Variants in STX6 observed in about 807,000 individuals in gnomAD.
STX6 encodes syntaxin-6.
A neutral mutation model predicts 38.0 loss-of-function variants in STX6; 23 were observed. The observed-to-expected ratio is 0.60, with a 90% CI of 0.43 to 0.86. The LOEUF is 0.86. Ranked by LOEUF, STX6 falls within the 40% of genes least tolerant of loss-of-function variation. The pLI is 0.00. For missense variants in STX6, 274 were observed against 312.9 expected (o/e 0.88, Z 0.94); for synonymous variants, 123 against 107.5 (o/e 1.14, Z -0.89).
Position 181,022,784 on chromosome 1 carries a change from G to A in STX6, c.-111C>T. ...CCGCAGCTGCCCGCGCCTTAGTCTG[G>A]GTGAAGCCGAGCAGCGGGCACGCGC... On this transcript the variant is annotated 5_prime_UTR_variant, in exon 1 of 8. Coordinates refer to ENST00000258301, the MANE Select transcript of STX6 (RefSeq NM_005819.6). The A allele has an allele frequency of 8.7e-7, 1 of 1,151,726 alleles. No homozygotes were observed. Among genetic ancestry groups the A allele is most frequent in the Non-Finnish European group, 1.2e-6 (1 of 800,842 alleles). The allele number at this position is 1,151,726 out of a possible 1,614,324, so 71.3% of individuals were successfully genotyped here. A position where few individuals can be genotyped will look rare whatever the true frequency, so the allele number is the denominator to read the frequency against.
intron 3 of STX6, among the ~76,000 whole-genome samples, chr1:181,000,938 T>G (rs2102318249): frequency 6.7e-6 from 1 of 150,256 alleles, no homozygotes; most frequent in South Asian, 2.1e-4. Flanking sequence ...ACAAAAAATA[T>G]GTCACCTAAC....
intron 1 of STX6, among the ~76,000 whole-genome samples, chr1:181,008,188 A>T (rs947243154): frequency 3.9e-5 from 6 of 152,352 alleles, no homozygotes; most frequent in African/African-American, 1.4e-4. Flanking sequence ...ATTTTACAGT[A>T]ATAATTTTCT....
intron 2 of STX6, 68 bp from the exon 3 acceptor site, chr1:181,002,768 A>T (rs1656120550): frequency 1.9e-6 from 2 of 1,026,252 alleles, no homozygotes; most frequent in Admixed American, 1.9e-5. Flanking sequence ...TAACTCACTG[A>T]ATCTCTCACA....
Position 181,006,829 on chromosome 1 carries a change from C to T in STX6, c.36-1366G>A, listed in dbSNP as rs1420466144. Reference sequence around the variant, plus strand: ...TACTGATGAGAGCTAAGAGGCGGAACGTTAAACAGAGAATACAGCTTCTAG... The same window carrying T: ...TACTGATGAGAGCTAAGAGGCGGAATGTTAAACAGAGAATACAGCTTCTAG... On this transcript the variant is annotated intron_variant, in intron 1 of 7. Transcript: ENST00000258301. Among the ~76,000 whole-genome samples the T allele has an allele frequency of 5.9e-5, 9 of 152,154 alleles. No individual in the cohort carries two copies. In the South Asian group the frequency reaches 1.0e-3, roughly 17 times the overall value.
At chr1:180,999,418 T>C (rs1431843578) in intron 3 of STX6, among the ~76,000 whole-genome samples, 1 of 152,232 alleles carries the variant, frequency 6.6e-6, no homozygotes, top group East Asian at 1.9e-4. Context: ...ATCTTTGATG[T>C]ATAGGTGACT....
Position 180,990,009 on chromosome 1 carries a change from A to G in STX6, c.464T>C (p.Ile155Thr), listed in dbSNP as rs767706483. 1.2e-5 allele frequency: 20 copies of G among 1,613,566 alleles called. No individual in the cohort carries two copies. The highest frequency in any genetic ancestry group is 1.7e-5 in the Admixed American group (1 of 59,980). The stretch of plus-strand genomic sequence containing the variant: ...CTGCTGCTGTGCCTGCTGCTCCTCA[A>G]TGAAATGAGAATTGGCTCTCTGGAG... ...RELQRANSHF[I>T]EEQQAQQQLI... The change falls in exon 5 of 8, where the codon ATT becomes ACT. Residue 155 changes from isoleucine to threonine, a missense_variant. Ile to Thr is a moderately conservative substitution (Grantham distance 89). Coordinates refer to ENST00000258301, the MANE Select transcript of STX6 (RefSeq NM_005819.6).
intron 1 of STX6, among the ~76,000 whole-genome samples, chr1:181,012,210 C>A (rs1656421000): frequency 6.6e-6 from 1 of 152,214 alleles, no homozygotes; most frequent in Admixed American, 6.5e-5. Context: ...TCACTGAAAA[C>A]TTGCTGATGA....
intron 3 of STX6, among the ~76,000 whole-genome samples, chr1:180,995,182 C>T (rs548249047): frequency 5.7e-4 from 87 of 152,110 alleles, no homozygotes; most frequent in African/African-American, 2.0e-3. Flanking sequence ...AGGATGGTCT[C>T]GATCTCTTGA....
intron 1 of STX6, among the ~76,000 whole-genome samples, chr1:181,006,161 C>T (rs1185377393): frequency 6.6e-6 from 1 of 152,108 alleles, no homozygotes; most frequent in Non-Finnish European, 1.5e-5. Flanking sequence ...CTCCCGGGTT[C>T]AAGTGACTCT....
At chr1:180,990,305 T>C (rs1264438716) in intron 4 of STX6, among the ~76,000 whole-genome samples, 196 bp from the exon 5 acceptor site, 1 of 152,190 alleles carries the variant, frequency 6.6e-6, no homozygotes, top group Admixed American at 6.5e-5. Context: ...CCTCTATGTC[T>C]TTAAGCTCTC....
rs988066127 is a variant in STX6 at position 180,993,424 on chromosome 1, T to C, written c.302A>G (p.Asp101Gly). The C allele has an allele frequency of 1.9e-6, 3 of 1,582,096 alleles. No homozygotes were observed. Among genetic ancestry groups the C allele is most frequent in the Non-Finnish European group, 2.6e-6 (3 of 1,154,598 alleles). ...TGAAGTTGACATCTGATCTTTCATG[T>C]CCTAATGAGAAAGAAGATACGAAAA... The part of the protein sequence containing the change: ...FITSTRQVVR[D>G]MKDQMSTSSV... The change falls in exon 4 of 8, where the codon GAC becomes GGC. Residue 101 changes from aspartate to glycine, a missense_variant and splice_region_variant. Transcript: ENST00000258301.
intron 6 of STX6, 57 bp from the exon 7 acceptor site, chr1:180,984,828 T>G: frequency 4.0e-6 from 3 of 743,322 alleles, no homozygotes; most frequent in Non-Finnish European, 7.1e-6. Flanking sequence ...GGCAGTGCAC[T>G]TGCACTGGGT....
chr1:180,983,205 A>G (rs760656267), intron 7 of STX6, among the ~76,000 whole-genome samples: 1 of 152,250 alleles, frequency 6.6e-6, no homozygotes, highest in Non-Finnish European at 1.5e-5. Flanking sequence ...CCTATGAGTT[A>G]AACTTCTGAA....
In STX6 at chr1:181,003,455, C is replaced by CT. The variant is rs79592243; in HGVS notation, c.206-756dup. ...CTCACATTTTCTCTATCTCCCCTAA[C>CT]TTTTTTTCCTTCCCTCCTTTCTCAA... On this transcript the variant is annotated intron_variant, in intron 2 of 7. Transcript: ENST00000258301. Among the ~76,000 whole-genome samples the CT allele has an allele frequency of 1.7e-4, 26 of 152,256 alleles. No homozygotes were observed. In the East Asian group the frequency reaches 5.0e-3, roughly 29 times the overall value.
intron 1 of STX6, among the ~76,000 whole-genome samples, chr1:181,022,286 G>T (rs1400949335): frequency 6.6e-6 from 1 of 152,192 alleles, no homozygotes; most frequent in Non-Finnish European, 1.5e-5. Context: ...TTCGAAGCAA[G>T]ATCCCATGCT....
chr1:180,994,959 TA>T (rs1023021226), intron 3 of STX6, among the ~76,000 whole-genome samples: 30 of 138,566 alleles, frequency 2.2e-4, no homozygotes, highest in East Asian at 6.6e-4. Flanking sequence ...TCAAGAAATT[TA>T]AAAAAAAATT....
chr1:180,984,707 T>C lies in STX6; in HGVS notation c.661A>G (p.Lys221Glu). ...GTCATATGAGATACTTTTGCAAGTTTCTTCATCACATTGTCCAGCCGGGAC... is the reference window on the plus strand; with the variant it reads ...GTCATATGAGATACTTTTGCAAGTTCCTTCATCACATTGTCCAGCCGGGAC... Reference protein sequence around the residue: ...TQSRLDNVMKKLAKVSHMTSD... With the variant: ...TQSRLDNVMKELAKVSHMTSD... Residue 221 changes from lysine (K) to glutamate (E), a missense_variant, in exon 7 of 8, where the codon AAA becomes GAA. Physicochemically the swap from Lys to Glu is moderately conservative, Grantham distance 56. Transcript: ENST00000258301. 6.3e-7 allele frequency: 1 copy of C among 1,590,096 alleles called. No individual in the cohort carries two copies. The highest frequency in any genetic ancestry group is 8.6e-7 in the Non-Finnish European group (1 of 1,158,420).
At chr1:181,002,398 C>T (rs1397799366) in intron 3 of STX6, among the ~76,000 whole-genome samples, 2 of 152,172 alleles carry the variant, frequency 1.3e-5, no homozygotes, top group South Asian at 2.1e-4. Context: ...AAGTGATCCA[C>T]CCACCTCCAC....
intron 1 of STX6, 64 bp from the exon 2 acceptor site, chr1:181,005,527 T>C: frequency 6.6e-7 from 1 of 1,512,194 alleles, no homozygotes; most frequent in South Asian, 1.2e-5. Flanking sequence ...AGTTACTGCA[T>C]GATTTAGGTT....
Sources: gnomAD v4.1 joint callset for allele counts (sites outside exome capture counted in the v4.1 genomes callset) on GRCh38, gnomAD v4.1.1 for gene constraint, MANE v1.5 for transcripts, NCBI Gene and HGNC (gene_info 2026-07-23, HGNC 2026-07-21) for gene names.